C2orf74: variants seen among roughly 807,000 people sequenced by gnomAD.
The protein encoded by C2orf74 is uncharacterized protein C2orf74.
C2orf74 carries 14 observed loss-of-function variants against 17.9 expected under a neutral mutation model. The ratio of observed to expected loss-of-function variants is 0.78; its 90% CI spans 0.52 to 1.22. The LOEUF is 1.22. Ranked by LOEUF, C2orf74 falls within the 50% of genes most tolerant of loss-of-function variation. The probability of loss-of-function intolerance (pLI) is 0.00; values close to 1 mark genes in which losing one functional copy is unlikely to be tolerated. For synonymous variants in C2orf74, 79 were observed against 72.6 expected, an observed-to-expected ratio of 1.09 and a Z score of -0.44; for missense variants, 217 against 218.4, an observed-to-expected ratio of 0.99 and a Z score of 0.04.
At chr2:61,150,864 C>G (rs1685204292) in intron 1 of C2orf74, among the ~76,000 whole-genome samples, 2 of 152,144 alleles carry the variant, frequency 1.3e-5, no homozygotes, top group African/African-American at 4.8e-5. Flanking sequence ...ATGCTGGAGG[C>G]AGAGGAATGT....
At chr2:61,163,597 T>C (rs1020144274) in intron 4 of C2orf74, among the ~76,000 whole-genome samples, 1 of 150,544 alleles carries the variant, frequency 6.6e-6, no homozygotes, top group Admixed American at 6.6e-5. Flanking sequence ...GGAGACTCCA[T>C]CTCAAAAAAA....
upstream of C2orf74, among the ~76,000 whole-genome samples, chr2:61,157,261 G>A (rs1202917211): frequency 1.3e-5 from 2 of 152,118 alleles, no homozygotes; most frequent in Admixed American, 6.6e-5. Flanking sequence ...GGCTGGTCTC[G>A]AACTCCTGGA....
At chr2:61,151,236 A>T (rs1357491431) in intron 1 of C2orf74, among the ~76,000 whole-genome samples, 1 of 150,106 alleles carries the variant, frequency 6.7e-6, no homozygotes, top group African/African-American at 2.5e-5. Context: ...GAATCGCTTG[A>T]ACCCGGGAGA....
intron 1 of C2orf74, among the ~76,000 whole-genome samples, chr2:61,150,539 A>C (rs1685194618): frequency 6.6e-6 from 1 of 152,194 alleles, no homozygotes; most frequent in Non-Finnish European, 1.5e-5. Context: ...TGTAAGATCC[A>C]CATCGGTCCC....
At position 61,164,529 on chromosome 2, in the gene C2orf74, G is replaced by A. The variant is rs560866490; in HGVS notation, c.*2G>A. 5 of 1,501,638 alleles carry A rather than the reference G, an allele frequency of 3.3e-6. No homozygotes were observed. The African/African-American group carries it at 5.7e-5, about 17-fold the overall frequency. The allele number at this position is 1,501,638 out of a possible 1,614,324, so 93.0% of individuals were successfully genotyped here. On this transcript the variant is annotated 3_prime_UTR_variant, in exon 5 of 5. Transcript: ENST00000432605. The stretch of plus-strand genomic sequence containing the variant: ...CGAGAACATAAAGAGAGGAAATGAA[G>A]CTCAAAAAAGGGTAAGAGTGAAAGA...
upstream of C2orf74, chr2:61,161,715 T>G (rs1051971944): frequency 6.6e-6 from 1 of 152,236 alleles, no homozygotes; most frequent in Non-Finnish European, 1.5e-5. Context: ...GGCTTTGGTA[T>G]CAGGGTAATG....
chr2:61,154,522 C>A (rs1016774408), intron 1 of C2orf74, among the ~76,000 whole-genome samples: 3 of 152,136 alleles, frequency 2.0e-5, no homozygotes, highest in African/African-American at 4.8e-5. Flanking sequence ...GTTCATAAAT[C>A]ATAACAAATA....
At chr2:61,157,096 C>T (rs1295284494) in intron 1 of C2orf74, among the ~76,000 whole-genome samples, 4 of 152,146 alleles carry the variant, frequency 2.6e-5, no homozygotes, top group African/African-American at 7.2e-5. Flanking sequence ...AGTGCAGTGG[C>T]GCGATCTCGG....
intron 1 of C2orf74, among the ~76,000 whole-genome samples, chr2:61,146,589 A>AT (rs1339517752): frequency 2.0e-5 from 3 of 152,224 alleles, no homozygotes. Context: ...TAATCCCAGC[A>AT]TTTTGGGAGG....
At chr2:61,157,260 C>G (rs6748712), upstream of C2orf74, among the ~76,000 whole-genome samples, 7 of 152,114 alleles carry the variant, frequency 4.6e-5, no homozygotes, top group African/African-American at 1.4e-4. Flanking sequence ...AGGCTGGTCT[C>G]GAACTCCTGG....
intron 1 of C2orf74, among the ~76,000 whole-genome samples, chr2:61,149,241 G>A (rs886905017): frequency 2.7e-4 from 41 of 152,174 alleles, no homozygotes; most frequent in Admixed American, 1.3e-4. Context: ...AGTCGGGAGA[G>A]TGAGTGTGGT....
intron 4 of C2orf74, 34 bp downstream of exon 4, chr2:61,163,266 A>T (rs1685622845): frequency 6.5e-7 from 1 of 1,535,524 alleles, no homozygotes; most frequent in African/African-American, 1.4e-5. Flanking sequence ...AGAGCAGTTT[A>T]GAATTTGTTT....
At chr2:61,163,271 T>C in intron 4 of C2orf74, 39 bp downstream of exon 4, 1 of 1,530,506 alleles carries the variant, frequency 6.5e-7, no homozygotes. Flanking sequence ...AGTTTAGAAT[T>C]TGTTTGATTG....
chr2:61,164,761 T>A lies in C2orf74; in HGVS notation c.*234T>A, dbSNP rs1685680067. ...ATCTGAGTTCAAGAAATTGATTGTA[T>A]TGCCCTTAAAACTATCTACTCAAAC... On this transcript the variant is annotated 3_prime_UTR_variant, in exon 5 of 5. Coordinates refer to ENST00000432605, the MANE Select transcript of C2orf74 (RefSeq NM_001143959.4). 1 of 357,560 alleles carries A rather than the reference T, an allele frequency of 2.8e-6. No individual in the cohort carries two copies. Among genetic ancestry groups the A allele is most frequent in the Admixed American group, 4.6e-5 (1 of 21,942 alleles). 22.1% of individuals were successfully genotyped at this position (357,560 alleles called of 1,614,324 possible). A position where few individuals can be genotyped will look rare whatever the true frequency, so the allele number is the denominator to read the frequency against.
At chr2:61,149,336 T>G (rs1392387296) in intron 1 of C2orf74, among the ~76,000 whole-genome samples, 3 of 152,144 alleles carry the variant, frequency 2.0e-5, no homozygotes, top group South Asian at 4.1e-4. Flanking sequence ...TTTGTAGTCC[T>G]GGATGCTGTA....
chr2:61,162,553 CCTT>C lies in C2orf74; in HGVS notation c.42_44del (p.Leu15del). ...CCACAGCAATCACTTTCTTCATCAT[CCTT>C]CTAATTTGCCTCATTTGCATCCTCC... is the stretch of plus-strand genomic sequence containing the variant. On this transcript the variant is annotated inframe_deletion, in exon 2 of 5. Coordinates refer to ENST00000432605, the MANE Select transcript of C2orf74 (RefSeq NM_001143959.4). 1 of 1,551,684 alleles carries C rather than the reference CCTT, an allele frequency of 6.4e-7. No individual in the cohort carries two copies. The highest frequency in any genetic ancestry group is 1.4e-5 in the African/African-American group (1 of 73,138).
At chr2:61,155,006 A>T (rs539132627) in intron 1 of C2orf74, among the ~76,000 whole-genome samples, 1 of 152,308 alleles carries the variant, frequency 6.6e-6, no homozygotes, top group South Asian at 2.1e-4. Context: ...CAGAGGTTGC[A>T]GTGAGCTGAG....
intron 1 of C2orf74, among the ~76,000 whole-genome samples, chr2:61,146,832 C>T (rs566633743): frequency 5.2e-5 from 7 of 133,614 alleles, no homozygotes; most frequent in South Asian, 4.5e-4. Context: ...AGCAAGACTT[C>T]GTCTCAAAAA....
intron 1 of C2orf74, chr2:61,151,838 C>G (rs1685236219): frequency 6.6e-6 from 1 of 152,270 alleles, no homozygotes; most frequent in Non-Finnish European, 1.5e-5. Flanking sequence ...CCAGTCCACA[C>G]TCAAGGGAAG....
Sources: gnomAD v4.1 joint callset for allele counts (sites outside exome capture counted in the v4.1 genomes callset) on GRCh38, gnomAD v4.1.1 for gene constraint, MANE v1.5 for transcripts, NCBI Gene and HGNC (gene_info 2026-07-23, HGNC 2026-07-21) for gene names.